The following ERBB4 variants were observed in gnomAD, a reference collection of about 807,000 sequenced individuals.
The protein encoded by ERBB4 is receptor tyrosine-protein kinase erbB-4.
ERBB4 carries 42 observed loss-of-function variants against 158.0 expected under a neutral mutation model. That is an observed-to-expected ratio of 0.27 (90% CI 0.21 to 0.34). The LOEUF is 0.34. Among genes scored for constraint, ERBB4 ranks in the 10% least tolerant of loss-of-function variants. The pLI is 1.00. For synonymous variants in ERBB4, 583 were observed against 558.7 expected, an observed-to-expected ratio of 1.04 and a Z score of -0.61; for missense variants, 1,333 against 1,624.1, an observed-to-expected ratio of 0.82 and a Z score of 3.08.
chr2:212,381,622 C>T (rs951713429), intron 1 of ERBB4, among the ~76,000 whole-genome samples: 2 of 151,284 alleles, frequency 1.3e-5, no homozygotes, highest in African/African-American at 2.4e-5. Context: ...TTAGTCATGT[C>T]TCCAATTGCC....
chr2:211,774,337 G>A (rs1349293911), intron 4 of ERBB4, among the ~76,000 whole-genome samples: 1 of 152,066 alleles, frequency 6.6e-6, no homozygotes, highest in Non-Finnish European at 1.5e-5. Flanking sequence ...CTCCCAAAGT[G>A]CTGGGATTAC....
rs1334637979 is a variant in ERBB4 at position 211,375,804 on chromosome 2, G to A, written c.*7811C>T. 1 of 232,314 alleles carries A rather than the reference G, an allele frequency of 4.3e-6. No homozygotes were observed. The highest frequency in any genetic ancestry group is 8.5e-6 in the Non-Finnish European group (1 of 117,320). The allele number at this position is 232,314 out of a possible 1,614,324, so 14.4% of individuals were successfully genotyped here. Reference sequence around the variant, plus strand: ...ATTCATGTAACAAAAAGGCAGAACAGTTTTCAAATTGTTCAGCTGGGATGA... The same window carrying A: ...ATTCATGTAACAAAAAGGCAGAACAATTTTCAAATTGTTCAGCTGGGATGA... On this transcript the variant is annotated 3_prime_UTR_variant, in exon 28 of 28. Transcript: ENST00000342788.
At chr2:212,500,333 C>A (rs1161126615) in intron 1 of ERBB4, among the ~76,000 whole-genome samples, 2 of 152,068 alleles carry the variant, frequency 1.3e-5, no homozygotes, top group African/African-American at 4.8e-5. Context: ...AAAACCCACT[C>A]CAGATAATTG....
intron 3 of ERBB4, among the ~76,000 whole-genome samples, chr2:211,942,053 T>C (rs1317443427): frequency 1.3e-5 from 2 of 152,038 alleles, no homozygotes; most frequent in Non-Finnish European, 2.9e-5. Flanking sequence ...GCACAGAGAT[T>C]TTTTCTGATT....
chr2:211,689,150 C>T (rs1179584678), intron 12 of ERBB4, among the ~76,000 whole-genome samples: 1 of 152,128 alleles, frequency 6.6e-6, no homozygotes, highest in Non-Finnish European at 1.5e-5. Flanking sequence ...AGTCATAATA[C>T]AGAGGAAGAG....
intron 19 of ERBB4, among the ~76,000 whole-genome samples, chr2:211,564,946 A>T (rs1177127317): frequency 1.3e-5 from 2 of 152,214 alleles, no homozygotes; most frequent in African/African-American, 4.8e-5. Flanking sequence ...TTAGTGATAG[A>T]TACATAGAAA....
At chr2:212,172,914 A>G (rs530046265) in intron 1 of ERBB4, among the ~76,000 whole-genome samples, 5 of 152,268 alleles carry the variant, frequency 3.3e-5, no homozygotes, top group African/African-American at 9.6e-5. Context: ...AAACTTCTAT[A>G]TCCTGCACAT....
intron 3 of ERBB4, among the ~76,000 whole-genome samples, chr2:211,943,218 G>A (rs1008083778): frequency 4.6e-5 from 7 of 151,964 alleles, no homozygotes; most frequent in African/African-American, 1.7e-4. Context: ...GGGTTTTATG[G>A]CCCATATAAT....
At chr2:212,236,404 C>T (rs901281070) in intron 1 of ERBB4, among the ~76,000 whole-genome samples, 1 of 152,204 alleles carries the variant, frequency 6.6e-6, no homozygotes, top group East Asian at 1.9e-4. Flanking sequence ...CGATGTTCAT[C>T]TGGGATAGTG....
intron 1 of ERBB4, among the ~76,000 whole-genome samples, chr2:212,282,573 T>C (rs1195070702): frequency 1.3e-5 from 2 of 151,906 alleles, no homozygotes; most frequent in African/African-American, 4.8e-5. Context: ...GGACAAATAA[T>C]ATACTTGTTA....
intron 2 of ERBB4, among the ~76,000 whole-genome samples, chr2:212,118,750 T>G (rs550827195): frequency 4.6e-5 from 7 of 152,202 alleles, no homozygotes; most frequent in African/African-American, 1.7e-4. Context: ...TAGATGGCAT[T>G]ATTTCTTGTA....
At chr2:211,624,951 G>C (rs1265722100) in intron 17 of ERBB4, among the ~76,000 whole-genome samples, 2 of 151,826 alleles carry the variant, frequency 1.3e-5, no homozygotes, top group Non-Finnish European at 2.9e-5. Context: ...GCTGGGTGTG[G>C]CCAAAGTAGT....
intron 19 of ERBB4, among the ~76,000 whole-genome samples, chr2:211,612,980 G>C (rs1288105846): frequency 1.3e-5 from 2 of 151,952 alleles, no homozygotes; most frequent in Admixed American, 1.3e-4. Flanking sequence ...ATATATAAAT[G>C]GGTGAAATCG....
rs1461809689 is a variant in ERBB4, at chr2:211,675,809, T to TATATAA, written c.1623-2553_1623-2552insTTATAT. 3.2e-4 allele frequency among the ~76,000 whole-genome samples: 46 copies of TATATAA among 143,670 alleles called. No homozygotes were observed. In the South Asian group the frequency reaches 4.9e-3, roughly 15 times the overall value. The allele number at this position is 143,670 out of a possible 152,430, so 94.3% of individuals were successfully genotyped here. ...ATATAATATTATATATATATATATA[T>TATATAA]AACAAATAGGCTCCCTGGATTTTGG... On this transcript the variant is annotated intron_variant, in intron 13 of 27. Coordinates refer to ENST00000342788, the MANE Select transcript of ERBB4 (RefSeq NM_005235.3).
intron 1 of ERBB4, among the ~76,000 whole-genome samples, chr2:212,126,271 C>T (rs2079923521): frequency 6.6e-6 from 1 of 151,914 alleles, no homozygotes; most frequent in East Asian, 1.9e-4. Context: ...CCCAACCTAG[C>T]CAACATGGAG....
chr2:212,280,529 C>A (rs2085716297), intron 1 of ERBB4, among the ~76,000 whole-genome samples: 1 of 151,588 alleles, frequency 6.6e-6, no homozygotes, highest in Non-Finnish European at 1.5e-5. Flanking sequence ...ACAAATTAAG[C>A]CAAATTTGGG....
chr2:211,901,826 A>AT (rs2079242647), intron 3 of ERBB4, among the ~76,000 whole-genome samples: 3 of 152,154 alleles, frequency 2.0e-5, no homozygotes, highest in Non-Finnish European at 2.9e-5. Flanking sequence ...ACCCATGAGC[A>AT]TTATTTGTAG....
intron 1 of ERBB4, chr2:212,125,115 G>T: frequency 1.8e-6 from 1 of 567,934 alleles, no homozygotes; most frequent in South Asian, 2.0e-5. Context: ...CAGAGAGTAG[G>T]AAGGCATAGA....
At chr2:211,562,808 G>C (rs1002114826) in intron 19 of ERBB4, among the ~76,000 whole-genome samples, 6 of 110,744 alleles carry the variant, frequency 5.4e-5, no homozygotes, top group African/African-American at 1.6e-4. Flanking sequence ...GTCTCGCTCT[G>C]TCGCCCAGGC....
Sources: allele counts gnomAD v4.1 joint callset (sites outside exome capture counted in the v4.1 genomes callset), GRCh38; gene constraint gnomAD v4.1.1; transcripts MANE v1.5; gene names NCBI Gene and HGNC (gene_info 2026-07-23, HGNC 2026-07-21).